Variants in RNF128 observed in about 807,000 individuals in gnomAD.
RNF128 encodes E3 ubiquitin-protein ligase RNF128.
A neutral mutation model predicts 26.2 loss-of-function variants in RNF128; 13 were observed. The ratio of observed to expected loss-of-function variants is 0.50; its 90% CI spans 0.32 to 0.79. RNF128 has a LOEUF of 0.79. RNF128 is among the 30% of genes least tolerant of loss of function. The pLI is 0.03. For missense variants in RNF128, 315 were observed against 349.7 expected, an observed-to-expected ratio of 0.90 and a Z score of 0.79; for synonymous variants, 149 against 142.5, an observed-to-expected ratio of 1.05 and a Z score of -0.32.
chrX:106,728,371 T>G (rs1164241829), intron 1 of RNF128, among the ~76,000 whole-genome samples: 1 of 112,286 alleles, frequency 8.9e-6, no homozygotes, highest in Admixed American at 9.4e-5. Context: ...CTTGGGCAAC[T>G]TATTTCAAGT....
chrX:106,701,766 A>G (rs1928960889), intron 1 of RNF128, among the ~76,000 whole-genome samples: 1 of 111,687 alleles, frequency 9.0e-6, no homozygotes, highest in South Asian at 3.7e-4. Flanking sequence ...TATTAAAAAC[A>G]AGATGAAGTA....
chrX:106,782,272 A>G (rs751278131), intron 2 of RNF128, among the ~76,000 whole-genome samples: 11 of 112,344 alleles, frequency 9.8e-5, no homozygotes, highest in Non-Finnish European at 2.1e-4. Flanking sequence ...CATCAACTAC[A>G]TTACATTTTT....
At chrX:106,771,481 T>C (rs1383567287) in intron 1 of RNF128, among the ~76,000 whole-genome samples, 1 of 112,881 alleles carries the variant, frequency 8.9e-6, no homozygotes, top group Non-Finnish European at 1.9e-5. Context: ...GCCCCACTGC[T>C]GCCTTGCAGT....
intron 1 of RNF128, among the ~76,000 whole-genome samples, chrX:106,704,414 A>G (rs1169396998): frequency 1.1e-5 from 1 of 92,643 alleles, no homozygotes; most frequent in Non-Finnish European, 2.1e-5. Flanking sequence ...CCTGGGCGAC[A>G]GAGCGAGACT....
At chrX:106,713,038 GC>G (rs995348466) in intron 1 of RNF128, among the ~76,000 whole-genome samples, 1 of 107,613 alleles carries the variant, frequency 9.3e-6, no homozygotes, top group African/African-American at 3.4e-5. Context: ...CCGCCGCTTC[GC>G]CCATCTAATT....
At chrX:106,712,332 A>C (rs947255665) in intron 1 of RNF128, among the ~76,000 whole-genome samples, 1 of 112,422 alleles carries the variant, frequency 8.9e-6, no homozygotes, top group Admixed American at 9.4e-5. Flanking sequence ...TGAGAAAACT[A>C]TACATTGCTT....
At chrX:106,718,126 A>C (rs1385045542) in intron 1 of RNF128, among the ~76,000 whole-genome samples, 1 of 111,867 alleles carries the variant, frequency 8.9e-6, no homozygotes, top group Non-Finnish European at 1.9e-5. Flanking sequence ...AAGGCCCTAA[A>C]ACCAGGAGGG....
chrX:106,780,844 C>A (rs777631807), intron 2 of RNF128, among the ~76,000 whole-genome samples: 5 of 111,994 alleles, frequency 4.5e-5, no homozygotes, highest in Non-Finnish European at 7.5e-5. Flanking sequence ...GCTGTCTGGA[C>A]TTTAGTCAAG....
At chrX:106,759,293 C>T (rs760898424) in intron 1 of RNF128, among the ~76,000 whole-genome samples, 1 of 111,224 alleles carries the variant, frequency 9.0e-6, no homozygotes, top group East Asian at 2.8e-4. Context: ...TGAATGCTGG[C>T]GAGGATGTAG....
intron 1 of RNF128, among the ~76,000 whole-genome samples, chrX:106,712,737 A>T (rs1792818718): frequency 9.0e-6 from 1 of 111,266 alleles, no homozygotes; most frequent in Non-Finnish European, 1.9e-5. Context: ...AGTTAGTATC[A>T]TATATGTTTA....
chrX:106,704,758 G>A (rs1929019617), intron 1 of RNF128, among the ~76,000 whole-genome samples: 2 of 111,839 alleles, frequency 1.8e-5, no homozygotes, highest in Admixed American at 1.9e-4. Flanking sequence ...GAGCACAGAA[G>A]TGAATAGTAA....
chrX:106,699,365 A>G (rs2147656636), intron 1 of RNF128, among the ~76,000 whole-genome samples: 1 of 112,448 alleles, frequency 8.9e-6, no homozygotes, highest in South Asian at 3.7e-4. Context: ...AACAAAGAGA[A>G]ATAAGCGCAA....
intron 1 of RNF128, among the ~76,000 whole-genome samples, chrX:106,700,624 C>A (rs1471718324): frequency 8.9e-6 from 1 of 111,847 alleles, no homozygotes; most frequent in Non-Finnish European, 1.9e-5. Flanking sequence ...ATAAAAAACA[C>A]TAACAATATA....
chrX:106,752,633 T>C (rs1238340506), intron 1 of RNF128, among the ~76,000 whole-genome samples: 6 of 112,090 alleles, frequency 5.4e-5, no homozygotes, highest in Non-Finnish European at 9.4e-5. Flanking sequence ...AATACCTATC[T>C]CTTCAGTGCA....
chrX:106,768,341 G>A (rs1930292255), intron 1 of RNF128, among the ~76,000 whole-genome samples: 1 of 111,184 alleles, frequency 9.0e-6, no homozygotes, highest in Admixed American at 9.6e-5. Context: ...AATCCATCTG[G>A]TCCTGGACTT....
At chrX:106,790,433 G>A (rs1242517122) in intron 5 of RNF128, 151 bp downstream of exon 5, 1 of 336,442 alleles carries the variant, frequency 3.0e-6, no homozygotes, top group Non-Finnish European at 5.3e-6. Context: ...AGACAATGAG[G>A]TGCCATCTTG....
chrX:106,748,965 T>G (rs1929833083), intron 1 of RNF128, among the ~76,000 whole-genome samples: 1 of 112,092 alleles, frequency 8.9e-6, no homozygotes, highest in Admixed American at 9.5e-5. Context: ...TTATATACAG[T>G]TATCAAAATA....
At chrX:106,787,203 TC>T (rs1431298513) in intron 3 of RNF128, among the ~76,000 whole-genome samples, 1 of 111,695 alleles carries the variant, frequency 9.0e-6, no homozygotes, top group East Asian at 2.8e-4. Context: ...CAAATATTGT[TC>T]AACTGGTGAA....
chrX:106,788,372 ATTATAT>A (rs1930706106), intron 4 of RNF128, among the ~76,000 whole-genome samples: 1 of 46,153 alleles, frequency 2.2e-5, no homozygotes, highest in Non-Finnish European at 3.3e-5. Context: ...TATAATATAT[ATTATAT>A]ATTATATATA....
Sources: allele counts gnomAD v4.1 joint callset (sites outside exome capture counted in the v4.1 genomes callset), GRCh38; gene constraint gnomAD v4.1.1; transcripts MANE v1.5; gene names NCBI Gene and HGNC (gene_info 2026-07-23, HGNC 2026-07-21).